The following FAHD2B variants were observed in gnomAD, a reference collection of about 807,000 sequenced individuals.
FAHD2B encodes oxaloacetate tautomerase FAHD2B, mitochondrial.
Under a neutral mutation model 33.7 loss-of-function variants are expected in FAHD2B, and 26 were observed. The ratio of observed to expected loss-of-function variants is 0.77; its 90% CI spans 0.57 to 1.07. The LOEUF (loss-of-function observed/expected upper bound fraction) is 1.07, where lower values mean the gene tolerates loss of function less well. Ranked by LOEUF, FAHD2B falls within the 50% of genes least tolerant of loss-of-function variation. The probability of loss-of-function intolerance (pLI) is 0.00; values close to 1 mark genes in which losing one functional copy is unlikely to be tolerated. For missense variants in FAHD2B, 272 were observed against 388.1 expected, an observed-to-expected ratio of 0.70 and a Z score of 2.51; for synonymous variants, 108 against 150.9, an observed-to-expected ratio of 0.72 and a Z score of 2.08.
chr2:97,085,680 G>A lies in FAHD2B; in HGVS notation c.685+19C>T. On this transcript the variant is annotated intron_variant, in intron 6 of 8. Transcript: ENST00000414820. ...TCTGTGCAATGGTAGGTACCAGGGG[G>A]CAGGGACCAGGGACCTACCTGCTAC... The A allele has an allele frequency of 6.2e-7, 1 of 1,613,530 alleles. No individual in the cohort carries two copies. Among genetic ancestry groups the A allele is most frequent in the Non-Finnish European group, 8.5e-7 (1 of 1,179,720 alleles).
chr2:97,083,265 T>G, downstream of FAHD2B: 2 of 1,606,284 alleles, frequency 1.2e-6, no homozygotes, highest in Non-Finnish European at 1.7e-6. Flanking sequence ...GCTAGAACTG[T>G]GAGGAGGAGC....
chr2:97,082,992 G>C, downstream of FAHD2B: 1 of 887,620 alleles, frequency 1.1e-6, no homozygotes, highest in Non-Finnish European at 1.7e-6. Context: ...TTCTAGGTGG[G>C]GCTGCTTTGC....
chr2:97,079,777 G>A (rs2031584805), downstream of FAHD2B, among the ~76,000 whole-genome samples: 1 of 151,162 alleles, frequency 6.6e-6, no homozygotes, highest in South Asian at 2.1e-4. Flanking sequence ...CAATTCTTCT[G>A]CCTCAGCCTC....
chr2:97,081,665 C>T (rs1350331716), downstream of FAHD2B, among the ~76,000 whole-genome samples: 1 of 148,796 alleles, frequency 6.7e-6, no homozygotes, highest in Admixed American at 6.6e-5. Flanking sequence ...GGAAGCCTAG[C>T]TCGCACCTCT....
At chr2:97,079,661 C>T (rs55998171), downstream of FAHD2B, among the ~76,000 whole-genome samples, 80,371 of 145,774 alleles carry the variant, frequency 0.55, 27,650 homozygotes, top group Non-Finnish European at 0.78. Context: ...TTTATTTTTT[C>T]TTTTCTTTTC....
At chr2:97,091,772 C>T (rs1257084) in intron 2 of FAHD2B, 60 bp from the exon 3 acceptor site, 1,086,985 of 1,558,816 alleles carry the variant, frequency 0.7, 408,620 homozygotes, top group Non-Finnish European at 0.78. Context: ...ATCAGCATCC[C>T]TGATATTCCT....
chr2:97,080,887 ATTG>A (rs1390879152), downstream of FAHD2B, among the ~76,000 whole-genome samples: 3 of 152,070 alleles, frequency 2.0e-5, no homozygotes, highest in African/African-American at 7.2e-5. Context: ...TCTCAGCTCG[ATTG>A]TTGTTGGTGT....
chr2:97,081,116 G>A (rs979151995), downstream of FAHD2B: 2 of 1,507,910 alleles, frequency 1.3e-6, no homozygotes, highest in Non-Finnish European at 1.8e-6. Context: ...GCAGTGCGGG[G>A]GCTGCTGGCA....
chr2:97,086,819 C>G (rs2438974), intron 4 of FAHD2B: 3 of 152,818 alleles, frequency 2.0e-5, no homozygotes, highest in African/African-American at 4.8e-5. Context: ...CCACTCCCCA[C>G]TAAGGAGCAC....
downstream of FAHD2B, chr2:97,081,661 C>T: frequency 7.3e-7 from 1 of 1,373,818 alleles, no homozygotes. Flanking sequence ...GCGGGGAAGC[C>T]TAGCTCGCAC....
At chr2:97,079,816 C>A (rs577389350), downstream of FAHD2B, among the ~76,000 whole-genome samples, 1 of 151,934 alleles carries the variant, frequency 6.6e-6, no homozygotes, top group East Asian at 1.9e-4. Context: ...AGGCATGCAC[C>A]ACCACGCCCA....
chr2:97,087,455 T>C (rs1261999221), intron 4 of FAHD2B, among the ~76,000 whole-genome samples: 2 of 151,964 alleles, frequency 1.3e-5, no homozygotes, highest in Admixed American at 1.3e-4. Context: ...CCCAGCACTT[T>C]GGGAGGCTGA....
At chr2:97,082,020 G>A, downstream of FAHD2B, 2 of 1,570,638 alleles carry the variant, frequency 1.3e-6, no homozygotes, top group Non-Finnish European at 1.7e-6. Context: ...CAGGGCAACG[G>A]CGACTGAGCA....
Position 97,091,830 on chromosome 2 carries a change from C to T in FAHD2B, c.-7+33G>A, listed in dbSNP as rs141760069. 2,846 of 1,451,902 alleles carry T rather than the reference C, an allele frequency of 2.0e-3. 9 individuals are homozygous for T. Among genetic ancestry groups the T allele is most frequent in the Non-Finnish European group, 2.2e-3 (2,377 of 1,081,538 alleles). The allele number at this position is 1,451,902 out of a possible 1,614,324, so 89.9% of individuals were successfully genotyped here. On this transcript the variant is annotated intron_variant, in intron 2 of 8. Coordinates refer to ENST00000414820, the MANE Select transcript of FAHD2B (RefSeq NM_001320848.2). ...TGCCCCATCAACCGTTCCCTGCATA[C>T]CACACGGGAAGCGGTCCAGGCTTGT...
In FAHD2B at chr2:97,094,762, G is replaced by A. The variant is rs1265786429; in HGVS notation, c.-194C>T. The A allele has an allele frequency of 8.8e-6, 1 of 113,218 alleles. No individual in the cohort carries two copies. The highest frequency in any genetic ancestry group is 1.8e-5 in the Non-Finnish European group (1 of 55,510). 7.0% of individuals were successfully genotyped at this position (113,218 alleles called of 1,614,324 possible). A position where few individuals can be genotyped will look rare whatever the true frequency, so the allele number is the denominator to read the frequency against. Reference sequence around the variant, plus strand: ...CTGAGTTAGGGCTCGCGGGGCGGGAGGTCAAGGGCAGCGGGCGCCTGAGCA... The same window carrying A: ...CTGAGTTAGGGCTCGCGGGGCGGGAAGTCAAGGGCAGCGGGCGCCTGAGCA... On this transcript the variant is annotated 5_prime_UTR_variant, in exon 1 of 9. Transcript: ENST00000414820.
At chr2:97,088,216 T>C (rs1221976069) in intron 4 of FAHD2B, among the ~76,000 whole-genome samples, 1 of 152,138 alleles carries the variant, frequency 6.6e-6, no homozygotes, top group Non-Finnish European at 1.5e-5. Context: ...AGTTGAATTG[T>C]TGCAAAACAG....
chr2:97,089,294 G>A (rs2032185203), intron 4 of FAHD2B, among the ~76,000 whole-genome samples: 1 of 151,874 alleles, frequency 6.6e-6, no homozygotes, highest in Non-Finnish European at 1.5e-5. Flanking sequence ...GCTGAGGCAG[G>A]CAGATCACAA....
rs1559135764 is a variant in FAHD2B at position 97,085,747 on chromosome 2, T to C, written c.637A>G (p.Thr213Ala). ...AAGGCAGGGCCCAGAGGGCAGAAGG[T>C]GTCGAAGGTTTTTCCCAGCAGCCAC... ...KQWLLGKTFDTFCPLGPALVT... is the reference protein window; with the variant it reads ...KQWLLGKTFDAFCPLGPALVT... The change falls in exon 6 of 9, where the codon ACC becomes GCC. Residue 213 changes from threonine to alanine, a missense_variant. By Grantham distance (58) the Thr-to-Ala change is moderately conservative. Coordinates refer to ENST00000414820, the MANE Select transcript of FAHD2B (RefSeq NM_001320848.2). 6.2e-7 allele frequency: 1 copy of C among 1,613,654 alleles called. No homozygotes were observed. The highest frequency in any genetic ancestry group is 8.5e-7 in the Non-Finnish European group (1 of 1,179,804).
At chr2:97,079,741 G>A (rs2315160), downstream of FAHD2B, among the ~76,000 whole-genome samples, 1 of 150,074 alleles carries the variant, frequency 6.7e-6, no homozygotes, top group African/African-American at 2.5e-5. Flanking sequence ...CTCGGCTCAC[G>A]GCAACCTCCA....
Sources: gnomAD v4.1 joint callset for allele counts (sites outside exome capture counted in the v4.1 genomes callset) on GRCh38, gnomAD v4.1.1 for gene constraint, MANE v1.5 for transcripts, NCBI Gene and HGNC (gene_info 2026-07-23, HGNC 2026-07-21) for gene names.